The following TP63 variants were observed in gnomAD, a reference collection of about 807,000 sequenced individuals.
TP63 encodes tumor protein 63.
A neutral mutation model predicts 82.8 loss-of-function variants in TP63; 17 were observed. That is an observed-to-expected ratio of 0.21 (90% CI 0.14 to 0.31). TP63 has a LOEUF of 0.31. Among genes scored for constraint, TP63 ranks in the 10% least tolerant of loss-of-function variants. The pLI, the probability that TP63 is intolerant of heterozygous loss-of-function variation, is 1.00. For synonymous variants in TP63, 330 were observed against 321.7 expected (o/e 1.03, Z -0.28); for missense variants, 648 against 895.3 (o/e 0.72, Z 3.52).
chr3:189,878,535 C>T (rs1257461733), intron 10 of TP63, among the ~76,000 whole-genome samples: 1 of 149,894 alleles, frequency 6.7e-6, no homozygotes. Context: ...ATTACAGATG[C>T]CTGCCACCAT....
chr3:189,601,150 T>C, the TP63 span, among the ~76,000 whole-genome samples: 1 of 152,346 alleles, frequency 6.6e-6, no homozygotes, highest in South Asian at 2.1e-4. Flanking sequence ...GGATGTGTTC[T>C]TTTGTATGAC....
chr3:189,686,763 C>T (rs1179726155), intron 1 of TP63, among the ~76,000 whole-genome samples: 3 of 141,256 alleles, frequency 2.1e-5, no homozygotes, highest in Admixed American at 7.2e-5. Flanking sequence ...CAGAGTCTTA[C>T]TCTGTCAGCC....
At chr3:189,732,581 G>T (rs1325040481) in intron 1 of TP63, among the ~76,000 whole-genome samples, 1 of 152,220 alleles carries the variant, frequency 6.6e-6, no homozygotes, top group East Asian at 1.9e-4. Context: ...ACCAGGCGCT[G>T]TATGACAATT....
At chr3:189,671,759 G>A (rs1039704698) in intron 1 of TP63, among the ~76,000 whole-genome samples, 19 of 152,038 alleles carry the variant, frequency 1.2e-4, no homozygotes, top group Admixed American at 5.9e-4. Flanking sequence ...AGCCTGGGAG[G>A]ACATTATTTT....
At chr3:189,872,400 A>AAC (rs60097753) in intron 9 of TP63, among the ~76,000 whole-genome samples, 20,866 of 146,954 alleles carry the variant, frequency 0.14, 1,534 homozygotes, top group South Asian at 0.23. Context: ...AAGTTTCTCT[A>AAC]ACACACACAC....
intron 1 of TP63, among the ~76,000 whole-genome samples, chr3:189,702,383 G>T (rs973443394): frequency 8.5e-5 from 13 of 152,206 alleles, no homozygotes; most frequent in Non-Finnish European, 1.8e-4. Flanking sequence ...TAGGGTATTA[G>T]GGAGCTTTTT....
At position 189,804,497 on chromosome 3, in the gene TP63, A is replaced by G. The variant is rs79105980; in HGVS notation, c.325-3775A>G. 6.6e-3 allele frequency among the ~76,000 whole-genome samples: 1,009 copies of G among 152,300 alleles called. 8 individuals are homozygous for G. Among genetic ancestry groups the G allele is most frequent in the African/African-American group, 0.023 (967 of 41,556 alleles). On this transcript the variant is annotated intron_variant, in intron 3 of 13. Coordinates refer to ENST00000264731, the MANE Select transcript of TP63 (RefSeq NM_003722.5). ...TTGCACTGAGCACTACAAATTGTACAAATTGTTTTGCTGGACCTGTCTGGG... is the reference window on the plus strand; with the variant it reads ...TTGCACTGAGCACTACAAATTGTACGAATTGTTTTGCTGGACCTGTCTGGG...
chr3:189,650,557 A>G (rs1712803579), intron 1 of TP63, among the ~76,000 whole-genome samples: 2 of 146,486 alleles, frequency 1.4e-5, no homozygotes. Context: ...TTCCCACTTC[A>G]CTGGACACTC....
chr3:189,608,919 T>C, the TP63 span, among the ~76,000 whole-genome samples: 1 of 149,262 alleles, frequency 6.7e-6, no homozygotes, highest in South Asian at 2.2e-4. Context: ...CCTTCCAAGA[T>C]TTGGAGCACC....
chr3:189,860,037 T>C (rs1177971476), intron 4 of TP63, among the ~76,000 whole-genome samples: 1 of 152,172 alleles, frequency 6.6e-6, no homozygotes, highest in Non-Finnish European at 1.5e-5. Flanking sequence ...TATATCTTGA[T>C]TGTAGTAGTA....
chr3:189,697,232 AGTTTTT>A (rs1354245756), intron 1 of TP63, among the ~76,000 whole-genome samples: 3 of 22,406 alleles, frequency 1.3e-4, no homozygotes, highest in South Asian at 3.5e-3. Flanking sequence ...GTCTAGGTTC[AGTTTTT>A]TTTTTTTTTT....
upstream of TP63, among the ~76,000 whole-genome samples, chr3:189,630,686 G>A (rs2108600031): frequency 6.6e-6 from 1 of 152,118 alleles, no homozygotes; most frequent in Middle Eastern, 3.4e-3. Flanking sequence ...TATATTATAT[G>A]TAAGTACATG....
chr3:189,679,393 A>G (rs1715718388), intron 1 of TP63, among the ~76,000 whole-genome samples: 1 of 151,600 alleles, frequency 6.6e-6, no homozygotes, highest in African/African-American at 2.4e-5. Flanking sequence ...AATGTTTGCC[A>G]TTTTTTTCAT....
At chr3:189,883,603 C>T (rs1224654495) in intron 10 of TP63, among the ~76,000 whole-genome samples, 1 of 152,150 alleles carries the variant, frequency 6.6e-6, no homozygotes, top group Non-Finnish European at 1.5e-5. Context: ...ACCTACAAAT[C>T]ACTGGACCCT....
chr3:189,859,632 A>G (rs1401908944), intron 4 of TP63, among the ~76,000 whole-genome samples: 1 of 152,184 alleles, frequency 6.6e-6, no homozygotes, highest in African/African-American at 2.4e-5. Context: ...CACTTTGTAA[A>G]ACTATTTGGG....
the TP63 span, among the ~76,000 whole-genome samples, chr3:189,611,233 G>A: frequency 6.6e-6 from 1 of 152,148 alleles, no homozygotes; most frequent in Admixed American, 6.5e-5. Flanking sequence ...CTATGTCCAG[G>A]ATGGTATTGC....
chr3:189,831,073 G>A (rs2037128), intron 4 of TP63, among the ~76,000 whole-genome samples: 14,388 of 152,256 alleles, frequency 0.094, 898 homozygotes, highest in Middle Eastern at 0.18. Flanking sequence ...TGTTGTTGGT[G>A]TGGTTTATCT....
At chr3:189,639,216 ACT>A (rs904686437) in intron 1 of TP63, among the ~76,000 whole-genome samples, 2 of 151,980 alleles carry the variant, frequency 1.3e-5, no homozygotes, top group Admixed American at 6.6e-5. Context: ...AAGTGCAAAG[ACT>A]CTGTCTATGT....
At chr3:189,613,230 A>G in the TP63 span, among the ~76,000 whole-genome samples, 4 of 152,300 alleles carry the variant, frequency 2.6e-5, no homozygotes, top group East Asian at 7.7e-4. Flanking sequence ...GCCTGGGCCC[A>G]GGGTCCCTGC....
Sources: allele counts gnomAD v4.1 joint callset (sites outside exome capture counted in the v4.1 genomes callset), GRCh38; gene constraint gnomAD v4.1.1; transcripts MANE v1.5; gene names NCBI Gene and HGNC (gene_info 2026-07-23, HGNC 2026-07-21).